Variants in UBR4 observed in about 807,000 individuals in gnomAD.
UBR4 encodes E3 ubiquitin-protein ligase UBR4.
A neutral mutation model predicts 575.6 loss-of-function variants in UBR4; 124 were observed. The observed-to-expected ratio is 0.22, with a 90% confidence interval of 0.19 to 0.25. The LOEUF (loss-of-function observed/expected upper bound fraction) is 0.25, where lower values mean the gene tolerates loss of function less well. Ranked by LOEUF, UBR4 falls within the 10% of genes least tolerant of loss-of-function variation. The pLI, the probability that UBR4 is intolerant of heterozygous loss-of-function variation, is 1.00. For missense variants in UBR4, 4,818 were observed against 6,478.8 expected (o/e 0.74, Z 8.80); for synonymous variants, 2,455 against 2,473.7 (o/e 0.99, Z 0.22).
At chr1:19,138,471 T>C (rs1444084991) in intron 59 of UBR4, among the ~76,000 whole-genome samples, 1 of 152,222 alleles carries the variant, frequency 6.6e-6, no homozygotes, top group Non-Finnish European at 1.5e-5. Context: ...CATACACTGA[T>C]AGGGGAATCT....
At chr1:19,172,817 C>T (rs1379232048) in intron 25 of UBR4, 47 bp downstream of exon 25, 12 of 1,572,634 alleles carry the variant, frequency 7.6e-6, no homozygotes, top group African/African-American at 2.7e-5. Context: ...GGGATCTGCA[C>T]GGAGTGAAGA....
intron 89 of UBR4, 30 bp from the exon 90 acceptor site, chr1:19,099,707 T>C (rs1354896260): frequency 1.3e-6 from 2 of 1,586,808 alleles, no homozygotes; most frequent in Non-Finnish European, 1.7e-6. Flanking sequence ...AAGCTGTTGT[T>C]CCAAATAATT....
At chr1:19,103,876 A>C (rs1282041098) in intron 87 of UBR4, among the ~76,000 whole-genome samples, 1 of 152,236 alleles carries the variant, frequency 6.6e-6, no homozygotes, top group Non-Finnish European at 1.5e-5. Context: ...TAAGCTCAAC[A>C]TGAAAAATCC....
At chr1:19,126,397 G>A in intron 64 of UBR4, 49 bp downstream of exon 64, 1 of 1,608,816 alleles carries the variant, frequency 6.2e-7, no homozygotes, top group Non-Finnish European at 8.5e-7. Flanking sequence ...AAAGAGAAGA[G>A]TGCTCTGAAC....
chr1:19,120,355 G>A lies in UBR4; in HGVS notation c.10142-7C>T. 1 of 1,614,130 alleles carries A rather than the reference G, an allele frequency of 6.2e-7. No individual in the cohort carries two copies. The highest frequency in any genetic ancestry group is 8.5e-7 in the Non-Finnish European group (1 of 1,179,964). ...TGGCTGCCAGAGGTCTCACCTGCAA[G>A]ATTAGGACAGGACTAAGGGCTGAAG... On this transcript the variant is annotated splice_polypyrimidine_tract_variant and splice_region_variant and intron_variant, in intron 68 of 105. Transcript: ENST00000375254.
rs2075741831 is a variant in UBR4 at position 19,074,532 on chromosome 1, T to C, written c.*300A>G. ...TCCTTTTCAATGTGTGTTAAGTCACTTGTTTATTTCTCAAGATGTGCACAC... is the reference window on the plus strand; with the variant it reads ...TCCTTTTCAATGTGTGTTAAGTCACCTGTTTATTTCTCAAGATGTGCACAC... On this transcript the variant is annotated 3_prime_UTR_variant, in exon 106 of 106. Coordinates refer to ENST00000375254, the MANE Select transcript of UBR4 (RefSeq NM_020765.3). 4.6e-6 allele frequency: 2 copies of C among 431,730 alleles called. No homozygotes were observed. Among genetic ancestry groups the C allele is most frequent in the Non-Finnish European group, 8.6e-6 (2 of 233,436 alleles). The allele number at this position is 431,730 out of a possible 1,614,324, so 26.7% of individuals were successfully genotyped here.
chr1:19,175,022 G>A lies in UBR4; in HGVS notation c.2785C>T (p.His929Tyr), dbSNP rs747129593. The A allele has an allele frequency of 1.8e-5, 29 of 1,613,708 alleles. No individual in the cohort carries two copies. The South Asian group carries it at 3.1e-4, about 17-fold the overall frequency. The change falls in exon 21 of 106, where the codon CAC (histidine) becomes TAC (tyrosine). Residue 929 changes from histidine (H) to tyrosine (Y), a missense_variant. Physicochemically the swap from His to Tyr is moderately conservative, Grantham distance 83 (BLOSUM62 2). This residue lies in a region of UBR4 where 1,172 missense variants were observed against 1,259.7 expected (regional missense o/e 0.93). Coordinates refer to ENST00000375254, the MANE Select transcript of UBR4 (RefSeq NM_020765.3). ...GACAGGACACAGTAGAATCTGGGGT[G>A]TGGGACAGCATCTGAAAAGTAATAT... Reference protein sequence around the residue: ...SKHFSSDAVPHPRFYCVLSPE... With the variant: ...SKHFSSDAVPYPRFYCVLSPE...
intron 1 of UBR4, among the ~76,000 whole-genome samples, chr1:19,207,222 C>CAA (rs2093055119): frequency 2.0e-5 from 3 of 152,236 alleles, no homozygotes; most frequent in Admixed American, 2.0e-4. Context: ...ATTAGCTAGA[C>CAA]AACAAGGCCC....
chr1:19,092,682 T>C (rs953491462), intron 97 of UBR4, 137 bp downstream of exon 97: 4 of 631,436 alleles, frequency 6.3e-6, no homozygotes, highest in African/African-American at 3.7e-5. Context: ...TCAGCACACA[T>C]AGATGAAGTA....
At chr1:19,084,368 C>T (rs756185190) in intron 102 of UBR4, 136 bp downstream of exon 102, 14 of 864,958 alleles carry the variant, frequency 1.6e-5, no homozygotes, top group South Asian at 4.0e-5. Flanking sequence ...ATCCCCACCT[C>T]GGCAAAAAGG....
intron 58 of UBR4, among the ~76,000 whole-genome samples, chr1:19,140,263 G>A (rs1250329977): frequency 2.0e-5 from 3 of 151,522 alleles, no homozygotes; most frequent in Admixed American, 2.0e-4. Context: ...ATAAAGAGAA[G>A]ATGAGTTCTG....
At chr1:19,151,947 T>C in intron 47 of UBR4, 88 bp from the exon 48 acceptor site, 1 of 1,217,568 alleles carries the variant, frequency 8.2e-7, no homozygotes, top group Non-Finnish European at 1.1e-6. Flanking sequence ...TGTCTCAACA[T>C]GTGAAGCTCA....
Position 19,155,430 on chromosome 1 carries a change from T to C in UBR4, c.6300+11A>G, listed in dbSNP as rs117338077. The C allele has an allele frequency of 3.7e-6, 6 of 1,609,022 alleles. No homozygotes were observed. The highest frequency in any genetic ancestry group is 1.7e-4 in the Middle Eastern group (1 of 6,042). On this transcript the variant is annotated intron_variant, in intron 43 of 105. Transcript: ENST00000375254. ...TCCGGAATAGAAGGAAATAGCAACA[T>C]GTGCTCTAACCTTCAGGTCCTCATG...
chr1:19,105,634 G>A, intron 84 of UBR4, 99 bp downstream of exon 84: 1 of 896,008 alleles, frequency 1.1e-6, no homozygotes, highest in Non-Finnish European at 1.6e-6. Flanking sequence ...CTACCCAGAG[G>A]TGTGCCTCTC....
intron 2 of UBR4, among the ~76,000 whole-genome samples, chr1:19,201,162 T>G (rs10157516): frequency 0.044 from 6,668 of 152,188 alleles, 434 homozygotes; most frequent in African/African-American, 0.15. Context: ...TTAAAATAAT[T>G]AGAATTCTTC....
At chr1:19,083,355 G>C (rs1200842858) in intron 102 of UBR4, among the ~76,000 whole-genome samples, 1 of 152,202 alleles carries the variant, frequency 6.6e-6, no homozygotes, top group Non-Finnish European at 1.5e-5. Context: ...TAACATTGTT[G>C]AAGAGAAAGA....
intron 50 of UBR4, 148 bp downstream of exon 50, chr1:19,148,415 A>T: frequency 1.8e-6 from 2 of 1,092,580 alleles, no homozygotes; most frequent in African/African-American, 1.6e-5. Flanking sequence ...CATAGGCCTT[A>T]AGCTGAAGAC....
In UBR4 at chr1:19,174,077, TG is replaced by T. The variant is rs202177614; in HGVS notation, c.2982+241del. 5.2e-3 allele frequency among the ~76,000 whole-genome samples: 787 copies of T among 151,906 alleles called. 7 individuals are homozygous for T. Among genetic ancestry groups the T allele is most frequent in the Middle Eastern group, 0.014 (4 of 294 alleles). On this transcript the variant is annotated intron_variant, in intron 22 of 105. Coordinates refer to ENST00000375254, the MANE Select transcript of UBR4 (RefSeq NM_020765.3). ...CAGTATTGACAGGAGATATAGCACT[TG>T]GGGGGGGACCACTAACTCTTAAATT...
chr1:19,112,403 A>G (rs1330328155), intron 78 of UBR4, 121 bp downstream of exon 78: 8 of 1,172,106 alleles, frequency 6.8e-6, no homozygotes, highest in Non-Finnish European at 9.6e-6. Flanking sequence ...TTCCTTTGTT[A>G]TAAGCTACCT....
Sources: gnomAD v4.1 joint callset for allele counts (sites outside exome capture counted in the v4.1 genomes callset) on GRCh38, gnomAD v4.1.1 for gene constraint, gnomAD v4.1.1 regional missense constraint, MANE v1.5 for transcripts, NCBI Gene and HGNC (gene_info 2026-07-23, HGNC 2026-07-21) for gene names.